Variants in HEATR5B observed in about 807,000 individuals in gnomAD.
The protein encoded by HEATR5B is HEAT repeat-containing protein 5B.
A neutral mutation model predicts 224.1 loss-of-function variants in HEATR5B; 156 were observed. The observed-to-expected ratio is 0.70, with a 90% confidence interval of 0.61 to 0.80. The LOEUF (loss-of-function observed/expected upper bound fraction) is 0.80. HEATR5B is among the 30% of genes least tolerant of loss of function. The pLI, the probability that HEATR5B is intolerant of heterozygous loss-of-function variation, is 0.00. For synonymous variants in HEATR5B, 1,027 were observed against 893.0 expected (o/e 1.15, Z -2.68); for missense variants, 2,323 against 2,535.5 (o/e 0.92, Z 1.80).
chr2:37,040,970 T>TA, intron 19 of HEATR5B, 163 bp downstream of exon 19: 1 of 588,604 alleles, frequency 1.7e-6, no homozygotes, highest in Non-Finnish European at 3.0e-6. Flanking sequence ...AGACAGACTT[T>TA]AAGACTAGGC....
Position 37,061,972 on chromosome 2 carries a change from C to T in HEATR5B, c.1663G>A (p.Gly555Ser). The T allele has an allele frequency of 6.2e-7, 1 of 1,613,780 alleles. No homozygotes were observed. The highest frequency in any genetic ancestry group is 8.5e-7 in the Non-Finnish European group (1 of 1,179,766). ...SRLSLQRTQA[G>S]WLLLGALMTL... Reference sequence around the variant, plus strand: ...ATAAGTGCTCCAAGTAAAAGCCAGCCAGCTTGGGTGCGCTGTAAAGATAGC... The same window carrying T: ...ATAAGTGCTCCAAGTAAAAGCCAGCTAGCTTGGGTGCGCTGTAAAGATAGC... The change falls in exon 11 of 36, where the codon GGC becomes AGC. Residue 555 changes from glycine (G) to serine (S), a missense_variant. Physicochemically the swap from Gly to Ser is moderately conservative, Grantham distance 56 (BLOSUM62 0). Coordinates refer to ENST00000233099, the MANE Select transcript of HEATR5B (RefSeq NM_019024.3).
intron 35 of HEATR5B, among the ~76,000 whole-genome samples, chr2:36,984,200 C>CAAAAAAAAAAAAG (rs1665776602): frequency 3.4e-5 from 1 of 29,018 alleles, no homozygotes; most frequent in African/African-American, 1.6e-4. Context: ...AACTCTGTCT[C>CAAAAAAAAAAAAG]AAAAAAAAAA....
intron 26 of HEATR5B, among the ~76,000 whole-genome samples, chr2:37,016,113 C>CTTTT (rs370375953): frequency 7.6e-6 from 1 of 132,028 alleles, no homozygotes; most frequent in Non-Finnish European, 1.6e-5. Flanking sequence ...TCCTTACTTT[C>CTTTT]TTTTTTTTTT....
chr2:37,000,812 T>C lies in HEATR5B; in HGVS notation c.5319A>G (p.Gly1773=), dbSNP rs752601162. The change falls in exon 33 of 36, where the codon GGA becomes GGG. Residue 1773 remains glycine, a splice_region_variant and synonymous_variant. Coordinates refer to ENST00000233099, the MANE Select transcript of HEATR5B (RefSeq NM_019024.3). ...GAATTGTGGGCAGGATTGTCATACA[T>C]CCTGAAAGAAAAACAAATCAGATCA... ...SDLPSLCSPA[G]CMTILPTILF... is the part of the protein sequence containing the mutation. The C allele has an allele frequency of 8.7e-6, 14 of 1,602,654 alleles. No individual in the cohort carries two copies. The highest frequency in any genetic ancestry group is 1.0e-5 in the Non-Finnish European group (12 of 1,169,872).
chr2:37,047,961 T>A (rs149233485), intron 18 of HEATR5B, among the ~76,000 whole-genome samples: 152 of 152,250 alleles, frequency 1.0e-3, no homozygotes, highest in Middle Eastern at 3.4e-3. Context: ...TGACATTTCA[T>A]ACAGAATTTC....
At chr2:37,065,140 G>C (rs1164400680) in intron 9 of HEATR5B, 150 bp from the exon 10 acceptor site, 2 of 669,396 alleles carry the variant, frequency 3.0e-6, no homozygotes, top group African/African-American at 1.8e-5. Context: ...ACATACAGTA[G>C]AGTACTTCAA....
chr2:37,037,298 A>C (rs930390638), intron 21 of HEATR5B, among the ~76,000 whole-genome samples: 12 of 151,430 alleles, frequency 7.9e-5, no homozygotes, highest in Middle Eastern at 3.4e-3. Context: ...GGTGCACGCC[A>C]CCACGCCCGG....
At chr2:37,002,228 C>G (rs1667133248) in intron 32 of HEATR5B, 78 bp downstream of exon 32, 1 of 1,489,756 alleles carries the variant, frequency 6.7e-7, no homozygotes, top group African/African-American at 1.4e-5. Flanking sequence ...TGGGTTATAA[C>G]AGTGCTTAAA....
intron 26 of HEATR5B, among the ~76,000 whole-genome samples, chr2:37,015,811 G>A (rs1287343422): frequency 6.6e-6 from 1 of 152,142 alleles, no homozygotes; most frequent in Admixed American, 6.6e-5. Flanking sequence ...GCAAGTTCAA[G>A]GGTAATTACA....
chr2:37,076,469 G>T (rs886980464), intron 4 of HEATR5B, among the ~76,000 whole-genome samples: 1 of 152,114 alleles, frequency 6.6e-6, no homozygotes, highest in African/African-American at 2.4e-5. Flanking sequence ...TAGAAGGTAA[G>T]AAGGAAAGGA....
Position 37,064,742 on chromosome 2 carries a change from T to C in HEATR5B, c.1582A>G (p.Lys528Glu). 2 of 1,613,962 alleles carry C rather than the reference T, an allele frequency of 1.2e-6. No homozygotes were observed. Among genetic ancestry groups the C allele is most frequent in the Non-Finnish European group, 1.7e-6 (2 of 1,179,930 alleles). ...CPLGIPHAKG[K>E]MVVSIAEDLL... is the part of the protein sequence containing the mutation. ...CAAGTCTAGGATCTCCGTCATACCT[T>C]TCCTTTGGCATGAGGAATGCCCAAA... is the stretch of plus-strand genomic sequence containing the variant. Residue 528 changes from lysine (K) to glutamate (E), a missense_variant and splice_region_variant, in exon 10 of 36, where the codon AAG becomes GAG. Around this residue, in one of 12 missense-constraint regions of HEATR5B, gnomAD observed 502 missense variants for 517.8 expected, o/e 0.97. Coordinates refer to ENST00000233099, the MANE Select transcript of HEATR5B (RefSeq NM_019024.3).
Position 37,065,654 on chromosome 2 carries a change from G to A in HEATR5B, c.1333+101C>T. On this transcript the variant is annotated intron_variant, in intron 9 of 35. Coordinates refer to ENST00000233099, the MANE Select transcript of HEATR5B (RefSeq NM_019024.3). ...TAAGTAAAACCTGATGATCTGAAGT[G>A]CTAATGATGATGATAAGCAACTAAT... The A allele has an allele frequency of 6.1e-6, 6 of 984,150 alleles. No individual in the cohort carries two copies. In the Admixed American group the frequency reaches 1.3e-4, roughly 22 times the overall value. 61.0% of individuals were successfully genotyped at this position (984,150 alleles called of 1,614,324 possible).
chr2:37,000,774 G>C lies in HEATR5B; in HGVS notation c.5357C>G (p.Ala1786Gly), dbSNP rs1217842930. Residue 1786 changes from alanine to glycine, a missense_variant, in exon 33 of 36, where the codon GCA becomes GGA. This residue lies in a region of HEATR5B where 844 missense variants were observed against 812.9 expected (regional missense o/e 1.04). Transcript: ENST00000233099. ...TILPTILFLI[A>G]RILKDTAIKS... ...TATTGCTGTGTCTTTCAATATTCTT[G>C]CAATTAAGAACAGAATTGTGGGCAG... 6.2e-7 allele frequency: 1 copy of C among 1,613,862 alleles called. No individual in the cohort carries two copies. Among genetic ancestry groups the C allele is most frequent in the African/African-American group, 1.3e-5 (1 of 74,908 alleles).
At chr2:37,060,969 A>T (rs1671247462) in intron 11 of HEATR5B, among the ~76,000 whole-genome samples, 1 of 152,180 alleles carries the variant, frequency 6.6e-6, no homozygotes, top group African/African-American at 2.4e-5. Context: ...ATTCACCTTA[A>T]ACTGTCAATA....
intron 33 of HEATR5B, among the ~76,000 whole-genome samples, chr2:36,998,773 A>G (rs1371876518): frequency 6.6e-6 from 1 of 151,912 alleles, no homozygotes; most frequent in African/African-American, 2.4e-5. Flanking sequence ...AGATGACATT[A>G]TTTATGTAAA....
rs1459264624 is a variant in HEATR5B at position 37,057,392 on chromosome 2, G to A, written c.2148C>T (p.Ser716=). 1 of 1,612,284 alleles carries A rather than the reference G, an allele frequency of 6.2e-7. No homozygotes were observed. The highest frequency in any genetic ancestry group is 8.5e-7 in the Non-Finnish European group (1 of 1,179,070). The change falls in exon 15 of 36, where the codon TCC becomes TCT. Residue 716 remains serine (S), a synonymous_variant. Coordinates refer to ENST00000233099, the MANE Select transcript of HEATR5B (RefSeq NM_019024.3). ...SANTTTSLLR[S]LCHYDDSVLL... is the part of the protein sequence containing the mutation. ...GAACACTATCATCATAATGGCAGAGGGATCTGAGGAGGGAAGTAGTTGTGT... is the reference window on the plus strand; with the variant it reads ...GAACACTATCATCATAATGGCAGAGAGATCTGAGGAGGGAAGTAGTTGTGT...
At chr2:37,013,698 T>C in intron 27 of HEATR5B, 143 bp downstream of exon 27, 1 of 558,450 alleles carries the variant, frequency 1.8e-6, no homozygotes, top group South Asian at 3.6e-5. Flanking sequence ...TTCAGTACAC[T>C]GATTAACAAA....
chr2:36,999,227 AAAAAAC>A (rs1029216341), intron 33 of HEATR5B, among the ~76,000 whole-genome samples: 16 of 152,126 alleles, frequency 1.1e-4, no homozygotes, highest in Non-Finnish European at 8.8e-5. Flanking sequence ...TCAAAAAACA[AAAAAAC>A]AAAAACACCC....
chr2:37,057,953 T>C (rs1190308039), intron 14 of HEATR5B, among the ~76,000 whole-genome samples: 2 of 152,216 alleles, frequency 1.3e-5, no homozygotes, highest in African/African-American at 4.8e-5. Context: ...CAAAATTCTT[T>C]GGCATGATTA....
Sources: allele counts gnomAD v4.1 joint callset (sites outside exome capture counted in the v4.1 genomes callset), GRCh38; gene constraint gnomAD v4.1.1; regional missense constraint gnomAD v4.1.1; transcripts MANE v1.5; gene names NCBI Gene and HGNC (gene_info 2026-07-23, HGNC 2026-07-21).